Variants in GJD3 observed in about 807,000 individuals in gnomAD.
GJD3 encodes the protein gap junction protein delta 3, also known as gap junction delta-3 protein.
For missense variants in GJD3, 421 were observed against 448.5 expected (o/e 0.94, Z 0.55); for synonymous variants, 217 against 226.7 (o/e 0.96, Z 0.38).
At position 40,362,818 on chromosome 17, in the gene GJD3, C is replaced by A. The variant is rs1039506039; in HGVS notation, c.*113G>T. The A allele has an allele frequency of 4.7e-6, 5 of 1,071,582 alleles. No individual in the cohort carries two copies. Among genetic ancestry groups the A allele is most frequent in the Non-Finnish European group, 5.7e-6 (5 of 884,850 alleles). The allele number at this position is 1,071,582 out of a possible 1,614,324, so 66.4% of individuals were successfully genotyped here. ...GCCGTCCCCACAACGCGTCTCCTGC[C>A]GGGGCAGGTCCCGCGACAGCTCTGG... On this transcript the variant is annotated 3_prime_UTR_variant, in exon 1 of 1. Coordinates refer to ENST00000578689, the MANE Select transcript of GJD3 (RefSeq NM_152219.4).
rs35530628 is a variant in GJD3, at chr17:40,360,757, T to A, written c.*2174A>T. 29,351 of 236,088 alleles carry A rather than the reference T, an allele frequency of 0.12. 4,814 individuals carry two copies. Among genetic ancestry groups the A allele is most frequent in the African/African-American group, 0.46 (19,139 of 42,042 alleles). 14.6% of individuals were successfully genotyped at this position (236,088 alleles called of 1,614,324 possible). A position where few individuals can be genotyped will look rare whatever the true frequency, so the allele number is the denominator to read the frequency against. ...TCGGATGATGCTGATCTTGAACATCTTCTGACACACAGTAGGTACCCTACA... is the reference window on the plus strand; with the variant it reads ...TCGGATGATGCTGATCTTGAACATCATCTGACACACAGTAGGTACCCTACA... On this transcript the variant is annotated 3_prime_UTR_variant, in exon 1 of 1. Transcript: ENST00000578689.
At position 40,363,873 on chromosome 17, in the gene GJD3, C is replaced by T. The variant is rs893333176; in HGVS notation, c.-58G>A. 14 of 1,500,816 alleles carry T rather than the reference C, an allele frequency of 9.3e-6. No homozygotes were observed. The African/African-American group carries it at 1.7e-4, about 18-fold the overall frequency. The allele number at this position is 1,500,816 out of a possible 1,614,324, so 93.0% of individuals were successfully genotyped here. A position where few individuals can be genotyped will look rare whatever the true frequency, so the allele number is the denominator to read the frequency against. On this transcript the variant is annotated 5_prime_UTR_variant, in exon 1 of 1. Transcript: ENST00000578689. This position sits in a 1 kb window ranked among gnomAD's most constrained non-coding sequence, Gnocchi z 5.5. ...ATGGGGCAAGTCAGGGACCCCTGCC[C>T]CTTCCAAGCCTATCGGGGTGGGGTC...
chr17:40,363,655 C>G lies in GJD3; in HGVS notation c.161G>C (p.Cys54Ser), dbSNP rs1183473292. The G allele has an allele frequency of 2.5e-6, 4 of 1,607,870 alleles. No homozygotes were observed. Among genetic ancestry groups the G allele is most frequent in the Middle Eastern group, 1.7e-4 (1 of 6,056 alleles). The change falls in exon 1 of 1, where the codon TGC (cysteine) becomes TCC (serine). Residue 54 changes from cysteine to serine, a missense_variant. Coordinates refer to ENST00000578689, the MANE Select transcript of GJD3 (RefSeq NM_152219.4). The surrounding 1 kb of genome is among the most constrained non-coding windows in gnomAD (Gnocchi z 5.5). Reference sequence around the variant, plus strand: ...GCGACAGCCCGGCTGCAGCGTGTTGCACACGAACTCCTCTTGCTCGTCCTC... The same window carrying G: ...GCGACAGCCCGGCTGCAGCGTGTTGGACACGAACTCCTCTTGCTCGTCCTC... ...VFEDEQEEFV[C>S]NTLQPGCRQT... is the part of the protein sequence containing the mutation.
At position 40,363,584 on chromosome 17, in the gene GJD3, A is replaced by G. The variant is rs1255274449; in HGVS notation, c.232T>C (p.Trp78Arg). 1.3e-6 allele frequency: 2 copies of G among 1,597,946 alleles called. No individual in the cohort carries two copies. Among genetic ancestry groups the G allele is most frequent in the Admixed American group, 3.5e-5 (2 of 57,502 alleles). Residue 78 changes from tryptophan (W) to arginine (R), a missense_variant, in exon 1 of 1, where the codon TGG (tryptophan) becomes CGG (arginine). Coordinates refer to ENST00000578689, the MANE Select transcript of GJD3 (RefSeq NM_152219.4). This position sits in a 1 kb window ranked among gnomAD's most constrained non-coding sequence, Gnocchi z 5.5. ...GAGAGCAGCAGGATGTGGAAGAGCC[A>G]GAAGCGGTAGTGGGAGACCGGGAAG... ...RAFPVSHYRF[W>R]LFHILLLSAP...
At position 40,363,489 on chromosome 17, in the gene GJD3, C is replaced by A. The variant is rs1471623932; in HGVS notation, c.327G>T (p.Ala109=). Reference sequence around the variant, plus strand: ...GCAGTCCGGGGGCGCACTGCGCCGCCGCCTCAGCGCCGCCCGCCTCCTTGC... The same window carrying A: ...GCAGTCCGGGGGCGCACTGCGCCGCAGCCTCAGCGCCGCCCGCCTCCTTGC... ...RAGKEAGGAE[A]AAQCAPGLPE... is the part of the protein sequence containing the mutation. The change falls in exon 1 of 1, where the codon GCG becomes GCT. Residue 109 remains alanine (A), a synonymous_variant. Transcript: ENST00000578689. The surrounding 1 kb of genome is among the most constrained non-coding windows in gnomAD (Gnocchi z 5.5). The A allele has an allele frequency of 5.1e-5, 78 of 1,542,332 alleles. No individual in the cohort carries two copies. Among genetic ancestry groups the A allele is most frequent in the Non-Finnish European group, 6.7e-5 (77 of 1,145,280 alleles).
At position 40,360,998 on chromosome 17, in the gene GJD3, G is replaced by A; in HGVS notation, c.*1933C>T. 1 of 456,688 alleles carries A rather than the reference G, an allele frequency of 2.2e-6. No homozygotes were observed. Among genetic ancestry groups the A allele is most frequent in the Non-Finnish European group, 4.4e-6 (1 of 226,940 alleles). The allele number at this position is 456,688 out of a possible 1,614,324, so 28.3% of individuals were successfully genotyped here. A position where few individuals can be genotyped will look rare whatever the true frequency, so the allele number is the denominator to read the frequency against. Reference sequence around the variant, plus strand: ...TGAGCACATACTACGTGCCATGGAAGGGGAGAGAGCAATGCCATCCTGCAG... The same window carrying A: ...TGAGCACATACTACGTGCCATGGAAAGGGAGAGAGCAATGCCATCCTGCAG... On this transcript the variant is annotated 3_prime_UTR_variant, in exon 1 of 1. Transcript: ENST00000578689.
rs1567771809 is a variant in GJD3 at position 40,360,966 on chromosome 17, T to A, written c.*1965A>T. ...CACCTTCAGTTTCTCATCCAACACA[T>A]ATTTACTGAGCACATACTACGTGCC... On this transcript the variant is annotated 3_prime_UTR_variant, in exon 1 of 1. Coordinates refer to ENST00000578689, the MANE Select transcript of GJD3 (RefSeq NM_152219.4). The A allele has an allele frequency of 2.2e-6, 1 of 456,284 alleles. No individual in the cohort carries two copies. 28.3% of individuals were successfully genotyped at this position (456,284 alleles called of 1,614,324 possible). A position where few individuals can be genotyped will look rare whatever the true frequency, so the allele number is the denominator to read the frequency against.
Position 40,361,042 on chromosome 17 carries a change from G to A in GJD3, c.*1889C>T, listed in dbSNP as rs778737141. 1.1e-5 allele frequency: 5 copies of A among 456,408 alleles called. No homozygotes were observed. The highest frequency in any genetic ancestry group is 4.6e-5 in the South Asian group (3 of 64,558). 28.3% of individuals were successfully genotyped at this position (456,408 alleles called of 1,614,324 possible). A position where few individuals can be genotyped will look rare whatever the true frequency, so the allele number is the denominator to read the frequency against. ...CCTGCAGGAGAAGTGCTTTCCCTAC[G>A]GAAGCGAGGGGCATCCAGCTCTGTC... On this transcript the variant is annotated 3_prime_UTR_variant, in exon 1 of 1. Coordinates refer to ENST00000578689, the MANE Select transcript of GJD3 (RefSeq NM_152219.4).
chr17:40,363,776 C>T lies in GJD3; in HGVS notation c.40G>A (p.Val14Met), dbSNP rs753810053. Residue 14 changes from valine (V) to methionine (M), a missense_variant, in exon 1 of 1, where the codon GTG becomes ATG. Transcript: ENST00000578689. This position sits in a 1 kb window ranked among gnomAD's most constrained non-coding sequence, Gnocchi z 5.5. ...CCCACGAGCGGCGACTGCAGCTGCA[C>T]GGCGTCCAGCAGCGAGCCCAGGAAC... The part of the protein sequence containing the change: ...WAFLGSLLDA[V>M]QLQSPLVGRL... 5 of 1,608,130 alleles carry T rather than the reference C, an allele frequency of 3.1e-6. No homozygotes were observed. In the African/African-American group the frequency reaches 5.3e-5, roughly 17 times the overall value.
rs2034744510 is a variant in GJD3 at position 40,360,769 on chromosome 17, G to A, written c.*2162C>T. 1 of 275,910 alleles carries A rather than the reference G, an allele frequency of 3.6e-6. No individual in the cohort carries two copies. The highest frequency in any genetic ancestry group is 5.1e-5 in the Admixed American group (1 of 19,524). The allele number at this position is 275,910 out of a possible 1,614,324, so 17.1% of individuals were successfully genotyped here. ...GATCTTGAACATCTTCTGACACACA[G>A]TAGGTACCCTACAAATATTTGTTGA... On this transcript the variant is annotated 3_prime_UTR_variant, in exon 1 of 1. Coordinates refer to ENST00000578689, the MANE Select transcript of GJD3 (RefSeq NM_152219.4).
At position 40,363,699 on chromosome 17, in the gene GJD3, C is replaced by G. The variant is rs758730521; in HGVS notation, c.117G>C (p.Thr39=). Reference sequence around the variant, plus strand: ...CGTCCTCGAACACGGCGCCGCCCACCGTGGCCAGCACCAGGATGCGGAAGA... The same window carrying G: ...CGTCCTCGAACACGGCGCCGCCCACGGTGGCCAGCACCAGGATGCGGAAGA... The part of the protein sequence containing the change: ...MLIFRILVLA[T]VGGAVFEDEQ... The change falls in exon 1 of 1, where the codon ACG becomes ACC. Residue 39 remains threonine, a synonymous_variant. Transcript: ENST00000578689. This position sits in a 1 kb window ranked among gnomAD's most constrained non-coding sequence, Gnocchi z 5.5. 1.2e-6 allele frequency: 2 copies of G among 1,610,168 alleles called. No individual in the cohort carries two copies. Among genetic ancestry groups the G allele is most frequent in the East Asian group, 4.5e-5 (2 of 44,830 alleles).
In GJD3 at chr17:40,361,114, T is replaced by A. The variant is rs984655573; in HGVS notation, c.*1817A>T. 4.6e-6 allele frequency: 2 copies of A among 434,454 alleles called. No individual in the cohort carries two copies. Among genetic ancestry groups the A allele is most frequent in the African/African-American group, 4.1e-5 (2 of 49,092 alleles). 26.9% of individuals were successfully genotyped at this position (434,454 alleles called of 1,614,324 possible). ...GAGCCCTCTCCTTGAAGGTGTCTGT[T>A]TTCTTCCCAAGTGACAACAATAGGT... On this transcript the variant is annotated 3_prime_UTR_variant, in exon 1 of 1. Transcript: ENST00000578689.
chr17:40,362,980 C>A lies in GJD3; in HGVS notation c.836G>T (p.Gly279Val), dbSNP rs1220445871. 1 of 1,235,824 alleles carries A rather than the reference C, an allele frequency of 8.1e-7. No homozygotes were observed. The highest frequency in any genetic ancestry group is 1.0e-6 in the Non-Finnish European group (1 of 987,814). The allele number at this position is 1,235,824 out of a possible 1,614,324, so 76.6% of individuals were successfully genotyped here. Residue 279 changes from glycine (G) to valine (V), a missense_variant, in exon 1 of 1, where the codon GGC (glycine) becomes GTC (valine). By Grantham distance (109) the Gly-to-Val change is moderately radical (BLOSUM62 -3). Coordinates refer to ENST00000578689, the MANE Select transcript of GJD3 (RefSeq NM_152219.4). Reference protein sequence around the residue: ...APASLRECGSGRGKASPATGR... With the variant: ...APASLRECGSVRGKASPATGR... The stretch of plus-strand genomic sequence containing the variant: ...GGTGGCCGGTGACGCCTTGCCGCGG[C>A]CGCTGCCGCACTCGCGGAGGCTGGC...
chr17:40,363,896 G>C lies in GJD3; in HGVS notation c.-81C>G, dbSNP rs1019999010. The C allele has an allele frequency of 2.0e-6, 3 of 1,478,356 alleles. No homozygotes were observed. In the African/African-American group the frequency reaches 4.2e-5, roughly 21 times the overall value. The allele number at this position is 1,478,356 out of a possible 1,614,324, so 91.6% of individuals were successfully genotyped here. A position where few individuals can be genotyped will look rare whatever the true frequency, so the allele number is the denominator to read the frequency against. On this transcript the variant is annotated 5_prime_UTR_variant, in exon 1 of 1. Coordinates refer to ENST00000578689, the MANE Select transcript of GJD3 (RefSeq NM_152219.4). The surrounding 1 kb of genome is among the most constrained non-coding windows in gnomAD (Gnocchi z 5.5). ...CCCCTTCCAAGCCTATCGGGGTGGG[G>C]TCCGTTGGACCTTCTCTGACTTCAG...
rs2034766757 is a variant in GJD3 at position 40,363,031 on chromosome 17, G to A, written c.785C>T (p.Pro262Leu). The stretch of plus-strand genomic sequence containing the variant: ...CGGCGCCGGGTGCGCATAGGCCGGC[G>A]GGGCGCACGGCTCGGGGCCGGGGCG... Reference protein sequence around the residue: ...SRRPGPEPCAPPAYAHPAPAS... With the variant: ...SRRPGPEPCALPAYAHPAPAS... The change falls in exon 1 of 1, where the codon CCG (proline) becomes CTG (leucine). Residue 262 changes from proline (P) to leucine (L), a missense_variant. By Grantham distance (98) the Pro-to-Leu change is moderately conservative. Coordinates refer to ENST00000578689, the MANE Select transcript of GJD3 (RefSeq NM_152219.4). This position sits in a 1 kb window ranked among gnomAD's most constrained non-coding sequence, Gnocchi z 5.5. 8.3e-7 allele frequency: 1 copy of A among 1,208,928 alleles called. No homozygotes were observed. Among genetic ancestry groups the A allele is most frequent in the East Asian group, 3.4e-5 (1 of 29,194 alleles). 74.9% of individuals were successfully genotyped at this position (1,208,928 alleles called of 1,614,324 possible). A position where few individuals can be genotyped will look rare whatever the true frequency, so the allele number is the denominator to read the frequency against.
At position 40,362,823 on chromosome 17, in the gene GJD3, C is replaced by A. The variant is rs920703601; in HGVS notation, c.*108G>T. The A allele has an allele frequency of 2.8e-6, 3 of 1,071,922 alleles. No homozygotes were observed. The highest frequency in any genetic ancestry group is 1.7e-5 in the African/African-American group (1 of 58,930). 66.4% of individuals were successfully genotyped at this position (1,071,922 alleles called of 1,614,324 possible). A position where few individuals can be genotyped will look rare whatever the true frequency, so the allele number is the denominator to read the frequency against. ...CCCCACAACGCGTCTCCTGCCGGGG[C>A]AGGTCCCGCGACAGCTCTGGTGGAA... On this transcript the variant is annotated 3_prime_UTR_variant, in exon 1 of 1. Coordinates refer to ENST00000578689, the MANE Select transcript of GJD3 (RefSeq NM_152219.4).
chr17:40,360,784 A>G lies in GJD3; in HGVS notation c.*2147T>C, dbSNP rs2034744670. On this transcript the variant is annotated 3_prime_UTR_variant, in exon 1 of 1. Coordinates refer to ENST00000578689, the MANE Select transcript of GJD3 (RefSeq NM_152219.4). The stretch of plus-strand genomic sequence containing the variant: ...CTGACACACAGTAGGTACCCTACAA[A>G]TATTTGTTGAATGAATACATCTGGA... 7.0e-6 allele frequency: 2 copies of G among 287,178 alleles called. No homozygotes were observed. The highest frequency in any genetic ancestry group is 1.4e-5 in the Non-Finnish European group (2 of 145,736). The allele number at this position is 287,178 out of a possible 1,614,324, so 17.8% of individuals were successfully genotyped here.
chr17:40,363,415 C>A lies in GJD3; in HGVS notation c.401G>T (p.Arg134Leu). ...CAGCGCCACGCTCAGCAGGTAGCAG[C>A]GGCGCGCGCGGCGGGCGCGCAGGGC... is the stretch of plus-strand genomic sequence containing the variant. ...PCALRARRAR[R>L]CYLLSVALRL... The change falls in exon 1 of 1, where the codon CGC becomes CTC. Residue 134 changes from arginine to leucine, a missense_variant. Physicochemically the swap from Arg to Leu is moderately radical, Grantham distance 102 (BLOSUM62 -2). Coordinates refer to ENST00000578689, the MANE Select transcript of GJD3 (RefSeq NM_152219.4). The surrounding 1 kb of genome is among the most constrained non-coding windows in gnomAD (Gnocchi z 5.5). 3 of 1,312,040 alleles carry A rather than the reference C, an allele frequency of 2.3e-6. No individual in the cohort carries two copies. Among genetic ancestry groups the A allele is most frequent in the African/African-American group, 1.5e-5 (1 of 64,560 alleles). The allele number at this position is 1,312,040 out of a possible 1,614,324, so 81.3% of individuals were successfully genotyped here.
Position 40,363,470 on chromosome 17 carries a change from C to A in GJD3, c.346G>T (p.Gly116Ter), listed in dbSNP as rs748596113. The A allele has an allele frequency of 2.0e-6, 3 of 1,528,242 alleles. No homozygotes were observed. Among genetic ancestry groups the A allele is most frequent in the Admixed American group, 4.0e-5 (2 of 49,870 alleles). 94.7% of individuals were successfully genotyped at this position (1,528,242 alleles called of 1,614,324 possible). ...GAEAAAQCAPGLPEAQCAPCA... is the reference protein window; with the variant it reads ...GAEAAAQCAP ...GGCGCGCACTGGGCCTCGGGCAGTC[C>A]GGGGGCGCACTGCGCCGCCGCCTCA... The change falls in exon 1 of 1, where the codon GGA (glycine) becomes TGA (stop). Residue 116 changes from glycine to a stop codon, truncating the protein, a stop_gained. Coordinates refer to ENST00000578689, the MANE Select transcript of GJD3 (RefSeq NM_152219.4). LOFTEE classifies it low-confidence loss of function (END_TRUNC). The surrounding 1 kb of genome is among the most constrained non-coding windows in gnomAD (Gnocchi z 5.5).
Sources: allele counts gnomAD v4.1 joint callset, GRCh38; gene constraint gnomAD v4.1.1; non-coding constraint Gnocchi (gnomAD v3.1); transcripts MANE v1.5; gene names NCBI Gene and HGNC (gene_info 2026-07-23, HGNC 2026-07-21).